Variants in HEMK2 observed in about 807,000 individuals in gnomAD.
The protein encoded by HEMK2 is methyltransferase HEMK2.
chr21:28,584,859 A>G, the HEMK2 span, among the ~76,000 whole-genome samples: 3,758 of 152,278 alleles, frequency 0.025, 153 homozygotes, highest in African/African-American at 0.086. Flanking sequence ...CTCCAAAACA[A>G]GAGAACTAAG....
chr21:28,788,497 G>T, the HEMK2 span, among the ~76,000 whole-genome samples: 1 of 151,916 alleles, frequency 6.6e-6, no homozygotes, highest in African/African-American at 2.4e-5. Flanking sequence ...GCATAAGAAT[G>T]ATACAAACGG....
the HEMK2 span, among the ~76,000 whole-genome samples, chr21:28,594,603 T>C: frequency 6.6e-6 from 1 of 152,236 alleles, no homozygotes; most frequent in Non-Finnish European, 1.5e-5. Flanking sequence ...AGCTATTATC[T>C]ACTTCCCCAA....
chr21:28,811,396 A>C, the HEMK2 span, among the ~76,000 whole-genome samples: 8 of 107,682 alleles, frequency 7.4e-5, no homozygotes, highest in Non-Finnish European at 1.2e-4. Context: ...GGAAGGAGAA[A>C]CAGAGAAGGA....
the HEMK2 span, among the ~76,000 whole-genome samples, chr21:28,779,918 C>T: frequency 1.9e-4 from 29 of 152,330 alleles, 1 homozygote; most frequent in South Asian, 5.8e-3. Flanking sequence ...ATTAATGCTG[C>T]TGTTTCCTGA....
chr21:28,720,148 T>G, the HEMK2 span, among the ~76,000 whole-genome samples: 1 of 152,218 alleles, frequency 6.6e-6, no homozygotes, highest in African/African-American at 2.4e-5. Context: ...ACAGTATTGT[T>G]GGCCATGAGT....
chr21:28,762,440 C>T, the HEMK2 span, among the ~76,000 whole-genome samples: 1 of 152,006 alleles, frequency 6.6e-6, no homozygotes, highest in African/African-American at 2.4e-5. Flanking sequence ...AAAAACAAGG[C>T]CTCTCTCACC....
At chr21:28,656,817 C>A in the HEMK2 span, among the ~76,000 whole-genome samples, 1 of 151,984 alleles carries the variant, frequency 6.6e-6, no homozygotes, top group South Asian at 2.1e-4. Flanking sequence ...GTCAGAAAGA[C>A]CAAGGGTCAA....
At chr21:28,663,728 C>T in the HEMK2 span, among the ~76,000 whole-genome samples, 1 of 152,198 alleles carries the variant, frequency 6.6e-6, no homozygotes, top group Admixed American at 6.5e-5. Flanking sequence ...GTCCGTCTAA[C>T]CTAGCACTGT....
At chr21:28,611,328 A>T in the HEMK2 span, among the ~76,000 whole-genome samples, 1 of 152,210 alleles carries the variant, frequency 6.6e-6, no homozygotes, top group Non-Finnish European at 1.5e-5. Context: ...ATCAAGGTAG[A>T]ATTTAAAATA....
At chr21:28,738,746 A>C in the HEMK2 span, among the ~76,000 whole-genome samples, 1 of 152,338 alleles carries the variant, frequency 6.6e-6, no homozygotes, top group African/African-American at 2.4e-5. Flanking sequence ...CTAGTCCCCA[A>C]CATTTTTGCA....
the HEMK2 span, among the ~76,000 whole-genome samples, chr21:28,651,050 G>A: frequency 1.3e-5 from 2 of 152,154 alleles, no homozygotes; most frequent in African/African-American, 4.8e-5. Flanking sequence ...AGTTGGAATT[G>A]TGTAATTATT....
the HEMK2 span, among the ~76,000 whole-genome samples, chr21:28,773,704 A>G: frequency 6.6e-6 from 1 of 152,136 alleles, no homozygotes; most frequent in African/African-American, 2.4e-5. Flanking sequence ...TAATTCAAAG[A>G]CAAGGATCAT....
At chr21:28,663,925 C>A in the HEMK2 span, among the ~76,000 whole-genome samples, 2 of 152,102 alleles carry the variant, frequency 1.3e-5, no homozygotes, top group Admixed American at 6.6e-5. Flanking sequence ...GTTGAATATG[C>A]AAACTGAAGG....
At chr21:28,769,021 C>T in the HEMK2 span, among the ~76,000 whole-genome samples, 1 of 151,938 alleles carries the variant, frequency 6.6e-6, no homozygotes, top group Non-Finnish European at 1.5e-5. Flanking sequence ...CTTCTAGCCT[C>T]CAGAATGGTG....
chr21:28,809,627 C>T, the HEMK2 span, among the ~76,000 whole-genome samples: 1 of 152,202 alleles, frequency 6.6e-6, no homozygotes, highest in East Asian at 1.9e-4. Context: ...CATGTCTAAT[C>T]CTATAAGAAT....
chr21:28,867,838 T>C, the HEMK2 span, among the ~76,000 whole-genome samples: 102 of 152,330 alleles, frequency 6.7e-4, 1 homozygote, highest in African/African-American at 2.4e-3. Flanking sequence ...TTAGGGTCTG[T>C]GATTCTTTTT....
chr21:28,697,871 T>C, the HEMK2 span, among the ~76,000 whole-genome samples: 3 of 149,098 alleles, frequency 2.0e-5, no homozygotes, highest in East Asian at 2.0e-4. Flanking sequence ...CAGACAACCA[T>C]AGACACGGTG....
At chr21:28,638,351 G>A in the HEMK2 span, among the ~76,000 whole-genome samples, 46,488 of 151,924 alleles carry the variant, frequency 0.31, 7,268 homozygotes, top group African/African-American at 0.35. Context: ...CAAAGGAACT[G>A]GAAGGAGGAG....
At chr21:28,596,556 A>G in the HEMK2 span, among the ~76,000 whole-genome samples, 1 of 152,206 alleles carries the variant, frequency 6.6e-6, no homozygotes, top group African/African-American at 2.4e-5. Flanking sequence ...AGCTCCCAGT[A>G]ATTACCAAGT....
Sources: allele counts gnomAD v4.1 joint callset (sites outside exome capture counted in the v4.1 genomes callset), GRCh38; gene constraint gnomAD v4.1.1; transcripts MANE v1.5; gene names NCBI Gene and HGNC (gene_info 2026-07-23, HGNC 2026-07-21).